CSMD3: variants seen among roughly 807,000 people sequenced by gnomAD.
The protein encoded by CSMD3 is CUB and Sushi multiple domains 3.
CSMD3 carries 177 observed loss-of-function variants against 435.2 expected under a neutral mutation model. That is an observed-to-expected ratio of 0.41 (90% CI 0.36 to 0.46). The LOEUF (loss-of-function observed/expected upper bound fraction) is 0.46. CSMD3 is among the 20% of genes least tolerant of loss of function. CSMD3 has a pLI of 0.34. For missense variants in CSMD3, 4,265 were observed against 4,504.6 expected (o/e 0.95, Z 1.52); for synonymous variants, 1,656 against 1,520.5 (o/e 1.09, Z -2.07).
At chr8:112,484,514 CAT>C (rs562521052) in intron 31 of CSMD3, among the ~76,000 whole-genome samples, 37 of 149,482 alleles carry the variant, frequency 2.5e-4, no homozygotes, top group Non-Finnish European at 4.5e-4. Context: ...CACACACACA[CAT>C]ATATATATAT....
At chr8:113,302,276 A>ATTATATAT (rs2093776794) in intron 2 of CSMD3, among the ~76,000 whole-genome samples, 1 of 32,462 alleles carries the variant, frequency 3.1e-5, no homozygotes, top group East Asian at 1.2e-3. Context: ...TATAATATAT[A>ATTATATAT]ATTATAATAT....
intron 32 of CSMD3, among the ~76,000 whole-genome samples, chr8:112,466,582 C>T (rs1001263456): frequency 1.3e-5 from 2 of 152,052 alleles, no homozygotes; most frequent in Non-Finnish European, 2.9e-5. Context: ...TCCAGATGCC[C>T]AATGGAAAAA....
At chr8:112,848,080 T>A (rs1427022340) in intron 11 of CSMD3, among the ~76,000 whole-genome samples, 1 of 152,134 alleles carries the variant, frequency 6.6e-6, no homozygotes, top group Non-Finnish European at 1.5e-5. Context: ...GAATTTAAGT[T>A]TGGGGCAAGT....
At chr8:112,332,004 G>A (rs1824114459) in intron 45 of CSMD3, among the ~76,000 whole-genome samples, 1 of 152,112 alleles carries the variant, frequency 6.6e-6, no homozygotes, top group Admixed American at 6.6e-5. Context: ...TACACATTTA[G>A]TAATTCTAAA....
At chr8:112,527,780 C>T (rs1354121419) in intron 27 of CSMD3, among the ~76,000 whole-genome samples, 1 of 151,952 alleles carries the variant, frequency 6.6e-6, no homozygotes, top group Non-Finnish European at 1.5e-5. Context: ...TTTATTTTGA[C>T]TTCATGAAAT....
chr8:112,921,952 G>A (rs997508040), intron 9 of CSMD3, among the ~76,000 whole-genome samples: 1 of 152,040 alleles, frequency 6.6e-6, no homozygotes, highest in Non-Finnish European at 1.5e-5. Context: ...GATGTAGAAC[G>A]AAGGTCAAAT....
rs113242556 is a variant in CSMD3 at position 112,747,561 on chromosome 8, T to A, written c.1972+52601A>T. Among the ~76,000 whole-genome samples, 443 of 152,234 alleles carry A rather than the reference T, an allele frequency of 2.9e-3. 1 individual carries two copies. Among genetic ancestry groups the A allele is most frequent in the African/African-American group, 9.9e-3 (410 of 41,534 alleles). The stretch of plus-strand genomic sequence containing the variant: ...CAAAAACTTTAAAAAACATAGTAAG[T>A]TTTTTTATCTTAGTTCTGAACAGAA... On this transcript the variant is annotated intron_variant, in intron 13 of 70. Coordinates refer to ENST00000297405, the MANE Select transcript of CSMD3 (RefSeq NM_198123.2).
intron 3 of CSMD3, among the ~76,000 whole-genome samples, chr8:113,189,368 A>C (rs552105152): frequency 1.8e-4 from 27 of 151,824 alleles, no homozygotes; most frequent in African/African-American, 6.5e-4. Flanking sequence ...TCCTGATGTG[A>C]CCTATCCAAC....
intron 22 of CSMD3, among the ~76,000 whole-genome samples, chr8:112,592,661 C>T (rs1275636166): frequency 1.3e-5 from 2 of 152,014 alleles, no homozygotes; most frequent in East Asian, 3.9e-4. Context: ...CATTTTCTGT[C>T]AAAAATATTG....
chr8:113,425,786 T>C (rs1478135736), intron 1 of CSMD3, among the ~76,000 whole-genome samples: 1 of 151,626 alleles, frequency 6.6e-6, no homozygotes, highest in African/African-American at 2.4e-5. Flanking sequence ...CAGGTAATTA[T>C]GAGCCTGTCA....
chr8:113,341,176 C>T (rs890954657), intron 1 of CSMD3, among the ~76,000 whole-genome samples: 1 of 151,892 alleles, frequency 6.6e-6, no homozygotes, highest in African/African-American at 2.4e-5. Flanking sequence ...CATATATGTA[C>T]ATGTATGTAT....
intron 27 of CSMD3, among the ~76,000 whole-genome samples, chr8:112,547,328 G>A (rs541744734): frequency 2.0e-5 from 3 of 151,790 alleles, no homozygotes; most frequent in African/African-American, 7.3e-5. Flanking sequence ...GGGCGCAAAG[G>A]CACCATAATT....
intron 28 of CSMD3, among the ~76,000 whole-genome samples, chr8:112,511,456 C>T (rs942939463): frequency 1.4e-5 from 2 of 143,378 alleles, no homozygotes; most frequent in Non-Finnish European, 3.0e-5. Context: ...GTGGCGAGAT[C>T]TCAGCTGACT....
At chr8:113,241,080 T>C (rs2093209741) in intron 3 of CSMD3, among the ~76,000 whole-genome samples, 1 of 152,166 alleles carries the variant, frequency 6.6e-6, no homozygotes, top group Non-Finnish European at 1.5e-5. Context: ...ATTCCCACTT[T>C]TCTCTTTTCT....
At chr8:112,966,164 C>A (rs532657001) in intron 7 of CSMD3, among the ~76,000 whole-genome samples, 1 of 151,398 alleles carries the variant, frequency 6.6e-6, no homozygotes, top group African/African-American at 2.4e-5. Context: ...GTCAAAGTTC[C>A]GACATCCAAA....
chr8:113,212,801 T>C (rs1395557074), intron 3 of CSMD3, among the ~76,000 whole-genome samples: 1 of 151,414 alleles, frequency 6.6e-6, no homozygotes, highest in Non-Finnish European at 1.5e-5. Flanking sequence ...GAGGAGTTAA[T>C]GGGTGCAGCA....
intron 11 of CSMD3, among the ~76,000 whole-genome samples, chr8:112,846,190 C>A (rs2080312637): frequency 6.6e-6 from 1 of 151,528 alleles, no homozygotes; most frequent in South Asian, 2.1e-4. Context: ...AGAGATAATT[C>A]TTTTTTAACA....
chr8:112,224,516 TCTC>T lies in CSMD3; in HGVS notation c.*252_*254del. The T allele has an allele frequency of 5.8e-6, 3 of 513,718 alleles. No homozygotes were observed. Among genetic ancestry groups the T allele is most frequent in the Non-Finnish European group, 7.1e-6 (2 of 283,436 alleles). 31.8% of individuals were successfully genotyped at this position (513,718 alleles called of 1,614,324 possible). A position where few individuals can be genotyped will look rare whatever the true frequency, so the allele number is the denominator to read the frequency against. ...CAAATAAGTTTATATTTTAGAATAA[TCTC>T]CTTTTTAAAAAAAGCAAATAAACTG... is the stretch of plus-strand genomic sequence containing the variant. On this transcript the variant is annotated 3_prime_UTR_variant, in exon 71 of 71. Transcript: ENST00000297405.
At position 112,311,116 on chromosome 8, in the gene CSMD3, G is replaced by A. The variant is rs2130814731; in HGVS notation, c.7747C>T (p.Gln2583Ter). 1.2e-6 allele frequency: 2 copies of A among 1,613,918 alleles called. No homozygotes were observed. Among genetic ancestry groups the A allele is most frequent in the South Asian group, 2.2e-5 (2 of 91,070 alleles). The change falls in exon 50 of 71, where the codon CAG becomes TAG. Residue 2583 changes from glutamine (Q) to a stop codon, truncating the protein, a stop_gained. Coordinates refer to ENST00000297405, the MANE Select transcript of CSMD3 (RefSeq NM_198123.2). LOFTEE classifies it high-confidence loss of function. Reference protein sequence around the residue: ...ESPPHGYIISQTGGQLNSVVR... With the variant: ...ESPPHGYIIS ...ACACTGTTAAGCTGCCCACCTGTCT[G>A]ACTGATAATATATCCATGAGGTGGG...
Sources: gnomAD v4.1 joint callset for allele counts (sites outside exome capture counted in the v4.1 genomes callset) on GRCh38, gnomAD v4.1.1 for gene constraint, MANE v1.5 for transcripts, NCBI Gene and HGNC (gene_info 2026-07-23, HGNC 2026-07-21) for gene names.